The following ZNF407 variants were observed in gnomAD, a reference collection of about 807,000 sequenced individuals.
ZNF407 encodes the protein zinc finger protein 407.
ZNF407 carries 17 observed loss-of-function variants against 131.2 expected under a neutral mutation model. That is an observed-to-expected ratio of 0.13 (90% CI 0.09 to 0.19). ZNF407 has a LOEUF of 0.19. Ranked by LOEUF, ZNF407 falls within the 10% of genes least tolerant of loss-of-function variation. The pLI, the probability that ZNF407 is intolerant of heterozygous loss-of-function variation, is 1.00. For synonymous variants in ZNF407, 1,156 were observed against 1,062.0 expected, an observed-to-expected ratio of 1.09 and a Z score of -1.72; for missense variants, 2,681 against 2,830.6, an observed-to-expected ratio of 0.95 and a Z score of 1.20.
chr18:74,626,048 T>C lies in ZNF407; in HGVS notation c.-53-4919T>C, dbSNP rs139206814. The stretch of plus-strand genomic sequence containing the variant: ...AAACACATATCTAACAAAGGATTTA[T>C]ATCCAGAATACGTAAGCAGTTCAAT... On this transcript the variant is annotated intron_variant, in intron 1 of 8. Transcript: ENST00000299687. 2.0e-5 allele frequency among the ~76,000 whole-genome samples: 3 copies of C among 152,368 alleles called. No individual in the cohort carries two copies. In the East Asian group the frequency reaches 5.8e-4, roughly 29 times the overall value.
intron 8 of ZNF407, among the ~76,000 whole-genome samples, chr18:74,978,449 G>A (rs570212224): frequency 6.6e-6 from 1 of 152,196 alleles, no homozygotes; most frequent in South Asian, 2.1e-4. Context: ...AGACAAAGAT[G>A]GAGGCAAGCA....
Position 74,993,629 on chromosome 18 carries a change from C to T in ZNF407, c.5429-69521C>T, listed in dbSNP as rs149387857. 3.3e-3 allele frequency among the ~76,000 whole-genome samples: 509 copies of T among 152,318 alleles called. 2 individuals are homozygous for T. The highest frequency in any genetic ancestry group is 5.6e-3 in the Non-Finnish European group (383 of 68,036). ...TATCCAATTAACTGACTATAAATTA[C>T]ACTTCAGTAAGGTTGGTTTTAAAAA... On this transcript the variant is annotated intron_variant, in intron 8 of 8. Transcript: ENST00000299687.
intron 4 of ZNF407, among the ~76,000 whole-genome samples, chr18:74,817,381 T>C (rs1970281498): frequency 1.3e-5 from 2 of 152,248 alleles, no homozygotes; most frequent in Non-Finnish European, 2.9e-5. Flanking sequence ...AGATAAAGTT[T>C]ATGTTGTTCA....
At chr18:74,856,018 A>G (rs1043675868) in intron 4 of ZNF407, among the ~76,000 whole-genome samples, 8 of 152,178 alleles carry the variant, frequency 5.3e-5, no homozygotes, top group African/African-American at 1.2e-4. Flanking sequence ...CAACACTTAC[A>G]TGTCTTGGCG....
At chr18:75,014,408 T>A (rs1446764254) in intron 8 of ZNF407, among the ~76,000 whole-genome samples, 2 of 152,064 alleles carry the variant, frequency 1.3e-5, no homozygotes, top group African/African-American at 4.8e-5. Flanking sequence ...CCAATCTAAG[T>A]CATCTCTACC....
chr18:74,809,477 G>C (rs888662572), intron 4 of ZNF407, among the ~76,000 whole-genome samples: 15 of 152,140 alleles, frequency 9.9e-5, no homozygotes, highest in African/African-American at 3.6e-4. Context: ...ATTTTAAGAA[G>C]GTTTTTCTTA....
chr18:74,615,916 T>C (rs538705622), intron 1 of ZNF407, among the ~76,000 whole-genome samples: 3 of 151,766 alleles, frequency 2.0e-5, no homozygotes, highest in African/African-American at 7.3e-5. Flanking sequence ...CGGGCTGGAG[T>C]GCAATGGCAT....
chr18:74,884,571 A>G (rs148331458), intron 6 of ZNF407, among the ~76,000 whole-genome samples: 240 of 152,276 alleles, frequency 1.6e-3, no homozygotes, highest in Middle Eastern at 0.014. Flanking sequence ...ATGTAATTCA[A>G]ACTTGCTTAA....
intron 8 of ZNF407, among the ~76,000 whole-genome samples, chr18:74,936,126 T>C (rs1972037376): frequency 6.6e-6 from 1 of 152,252 alleles, no homozygotes; most frequent in Non-Finnish European, 1.5e-5. Context: ...TACGAAGACA[T>C]TTTAAAGATA....
intron 3 of ZNF407, among the ~76,000 whole-genome samples, chr18:74,733,864 C>G (rs989109973): frequency 3.3e-5 from 5 of 152,192 alleles, no homozygotes; most frequent in South Asian, 4.1e-4. Context: ...TGAGCATCAT[C>G]TCTTGTGAAG....
intron 3 of ZNF407, among the ~76,000 whole-genome samples, chr18:74,759,845 A>T (rs1271257052): frequency 7.6e-6 from 1 of 131,624 alleles, no homozygotes. Flanking sequence ...TAGTTGAGTT[A>T]GTGTTTTTGT....
chr18:74,843,900 A>G (rs1241889056), intron 4 of ZNF407, among the ~76,000 whole-genome samples: 1 of 152,204 alleles, frequency 6.6e-6, no homozygotes, highest in Non-Finnish European at 1.5e-5. Flanking sequence ...GTCTTAGTAA[A>G]TGACTGGAAA....
chr18:74,842,584 A>T (rs1465451120), intron 4 of ZNF407, among the ~76,000 whole-genome samples: 1 of 126,828 alleles, frequency 7.9e-6, no homozygotes, highest in Non-Finnish European at 1.6e-5. Flanking sequence ...TTGACCCTGG[A>T]AGTTTTTCCC....
At chr18:74,970,922 T>C (rs1322545377) in intron 8 of ZNF407, among the ~76,000 whole-genome samples, 1 of 152,262 alleles carries the variant, frequency 6.6e-6, no homozygotes, top group South Asian at 2.1e-4. Context: ...TGCCTGGACA[T>C]GCAGGCATTT....
At chr18:74,867,980 TTTTA>T (rs1372669920) in intron 4 of ZNF407, among the ~76,000 whole-genome samples, 1 of 152,252 alleles carries the variant, frequency 6.6e-6, no homozygotes, top group African/African-American at 2.4e-5. Context: ...GTTGATTTCT[TTTTA>T]TTTATACTTT....
intron 8 of ZNF407, among the ~76,000 whole-genome samples, chr18:75,012,879 GT>G (rs1972996802): frequency 6.6e-6 from 1 of 150,834 alleles, no homozygotes; most frequent in South Asian, 2.1e-4. Context: ...CCTTAGAGAG[GT>G]TTGTTTTTTT....
At chr18:74,606,638 G>C (rs188676179) in intron 1 of ZNF407, among the ~76,000 whole-genome samples, 83 of 152,160 alleles carry the variant, frequency 5.5e-4, no homozygotes, top group Admixed American at 2.1e-3. Flanking sequence ...ACAGAGCACA[G>C]TCCTGAACTG....
At chr18:74,667,370 A>G (rs1324406433) in intron 3 of ZNF407, among the ~76,000 whole-genome samples, 1 of 152,216 alleles carries the variant, frequency 6.6e-6, no homozygotes, top group Non-Finnish European at 1.5e-5. Flanking sequence ...AGTTTCCAAT[A>G]GTACATACAG....
At chr18:74,656,349 A>G (rs1019280739) in intron 3 of ZNF407, among the ~76,000 whole-genome samples, 1 of 152,100 alleles carries the variant, frequency 6.6e-6, no homozygotes, top group East Asian at 1.9e-4. Context: ...TAGCGTTCAC[A>G]TACATACATA....
Sources: allele counts gnomAD v4.1 joint callset (sites outside exome capture counted in the v4.1 genomes callset), GRCh38; gene constraint gnomAD v4.1.1; transcripts MANE v1.5; gene names NCBI Gene and HGNC (gene_info 2026-07-23, HGNC 2026-07-21).